NCAM2: variants seen among roughly 807,000 people sequenced by gnomAD.
The protein encoded by NCAM2 is N-CAM-2.
Under a neutral mutation model 98.1 loss-of-function variants are expected in NCAM2, and 30 were observed. The ratio of observed to expected loss-of-function variants is 0.31; its 90% CI spans 0.23 to 0.41. The LOEUF is 0.41. Among genes scored for constraint, NCAM2 ranks in the 10% least tolerant of loss-of-function variants. NCAM2 has a pLI of 1.00. For missense variants in NCAM2, 867 were observed against 1,005.8 expected (o/e 0.86, Z 1.87); for synonymous variants, 368 against 342.4 (o/e 1.07, Z -0.83).
In NCAM2 at chr21:21,338,375, T is replaced by G; in HGVS notation, c.899-14T>G. Reference sequence around the variant, plus strand: ...CCTCCAATACCGGTTGAGTAATATATATATTCTTTACAGTACAGCCTCACA... The same window carrying G: ...CCTCCAATACCGGTTGAGTAATATAGATATTCTTTACAGTACAGCCTCACA... On this transcript the variant is annotated splice_polypyrimidine_tract_variant and intron_variant, in intron 7 of 17. Transcript: ENST00000400546. 1.2e-6 allele frequency: 2 copies of G among 1,603,672 alleles called. No individual in the cohort carries two copies. The highest frequency in any genetic ancestry group is 1.7e-6 in the Non-Finnish European group (2 of 1,172,346).
At chr21:21,510,299 A>ACC (rs1476211592) in intron 16 of NCAM2, among the ~76,000 whole-genome samples, 7 of 152,128 alleles carry the variant, frequency 4.6e-5, no homozygotes, top group African/African-American at 1.2e-4. Flanking sequence ...TCAGAACCTT[A>ACC]CCACCACATT....
chr21:21,299,794 T>C (rs2073642282), intron 5 of NCAM2, among the ~76,000 whole-genome samples: 1 of 151,954 alleles, frequency 6.6e-6, no homozygotes, highest in Admixed American at 6.6e-5. Context: ...CTCAGCAGGC[T>C]TCACAAAGTA....
At chr21:21,267,080 C>T (rs2072311440) in intron 1 of NCAM2, among the ~76,000 whole-genome samples, 1 of 152,144 alleles carries the variant, frequency 6.6e-6, no homozygotes, top group African/African-American at 2.4e-5. Flanking sequence ...AATAACAACT[C>T]ACCAGGGGAA....
At chr21:21,426,551 G>A (rs762758827) in intron 11 of NCAM2, among the ~76,000 whole-genome samples, 25 of 152,132 alleles carry the variant, frequency 1.6e-4, no homozygotes, top group Non-Finnish European at 2.6e-4. Context: ...TAGCATAAGC[G>A]TGGTCCACAT....
At chr21:20,999,351 T>TCAA (rs558563179) in intron 1 of NCAM2, among the ~76,000 whole-genome samples, 2 of 141,630 alleles carry the variant, frequency 1.4e-5, no homozygotes, top group African/African-American at 6.0e-5. Flanking sequence ...CTTTTATCTC[T>TCAA]TAAAAAAAAA....
intron 1 of NCAM2, among the ~76,000 whole-genome samples, chr21:21,011,440 A>G (rs1237992374): frequency 6.6e-6 from 1 of 151,704 alleles, no homozygotes; most frequent in African/African-American, 2.4e-5. Context: ...TTTCTGGCCA[A>G]TTCTCCCCCC....
chr21:21,103,353 G>A (rs1278343689), intron 1 of NCAM2, among the ~76,000 whole-genome samples: 2 of 151,920 alleles, frequency 1.3e-5, no homozygotes, highest in Non-Finnish European at 2.9e-5. Context: ...CTTAACAAAA[G>A]GCTGATTATT....
chr21:21,255,725 T>C (rs1479152519), intron 1 of NCAM2, among the ~76,000 whole-genome samples: 1 of 152,194 alleles, frequency 6.6e-6, no homozygotes, highest in Non-Finnish European at 1.5e-5. Context: ...CCTAAGTTCC[T>C]CTAAATATTT....
At chr21:21,090,980 A>T (rs534867519) in intron 1 of NCAM2, among the ~76,000 whole-genome samples, 13 of 152,184 alleles carry the variant, frequency 8.5e-5, no homozygotes, top group Admixed American at 1.3e-4. Context: ...CTACCATTGG[A>T]TGTCTGTAAG....
chr21:21,110,274 A>G (rs77057989), intron 1 of NCAM2, among the ~76,000 whole-genome samples: 7,830 of 152,226 alleles, frequency 0.051, 248 homozygotes, highest in East Asian at 0.17. Context: ...GCTAGATTCT[A>G]TGTGTTTGGC....
chr21:21,046,067 A>G (rs556828539), intron 1 of NCAM2, among the ~76,000 whole-genome samples: 1 of 152,304 alleles, frequency 6.6e-6, no homozygotes, highest in Non-Finnish European at 1.5e-5. Context: ...GATCATAATG[A>G]TGCTTAAATC....
chr21:21,479,583 C>CAAAAAAAAAAAAAAAAAAAAAAAAAAAAA (rs1156588500), intron 15 of NCAM2, among the ~76,000 whole-genome samples: 7 of 30,964 alleles, frequency 2.3e-4, no homozygotes, highest in Non-Finnish European at 3.4e-4. Flanking sequence ...GACTGCGTCT[C>CAAAAAAAAAAAAAAAAAAAAAAAAAAAAA]AAAAAAAAAA....
chr21:21,410,541 A>G (rs1374850683), intron 10 of NCAM2, 80 bp downstream of exon 10: 13 of 698,222 alleles, frequency 1.9e-5, no homozygotes, highest in Non-Finnish European at 2.6e-5. Flanking sequence ...AAATATCTTC[A>G]TATGCATATA....
At chr21:21,257,162 T>A (rs1372813322) in intron 1 of NCAM2, among the ~76,000 whole-genome samples, 1 of 152,168 alleles carries the variant, frequency 6.6e-6, no homozygotes, top group Non-Finnish European at 1.5e-5. Context: ...AAGAAACCAG[T>A]TGTCTGAGAT....
intron 15 of NCAM2, among the ~76,000 whole-genome samples, chr21:21,494,604 T>A (rs1987083959): frequency 6.6e-6 from 1 of 151,690 alleles, no homozygotes; most frequent in Non-Finnish European, 1.5e-5. Context: ...AAGTTTAGAG[T>A]TAGTAAGATA....
At chr21:21,210,493 A>T in intron 1 of NCAM2, 1 of 1,258,674 alleles carries the variant, frequency 7.9e-7, no homozygotes, top group Non-Finnish European at 1.0e-6. Context: ...ACAAGTAATT[A>T]AAAACTCAAA....
At chr21:21,476,108 A>G (rs1053870576) in intron 14 of NCAM2, among the ~76,000 whole-genome samples, 1 of 152,126 alleles carries the variant, frequency 6.6e-6, no homozygotes, top group African/African-American at 2.4e-5. Flanking sequence ...TACTCAAAGA[A>G]GCAGTGTTAA....
chr21:21,502,681 T>C (rs1439148290), intron 15 of NCAM2, among the ~76,000 whole-genome samples: 1 of 152,006 alleles, frequency 6.6e-6, no homozygotes, highest in Non-Finnish European at 1.5e-5. Context: ...TGTGGAAAGA[T>C]ACCGTACGTA....
chr21:21,022,236 C>T (rs2064453036), intron 1 of NCAM2, among the ~76,000 whole-genome samples: 1 of 151,902 alleles, frequency 6.6e-6, no homozygotes, highest in Non-Finnish European at 1.5e-5. Context: ...AAAAATTAAA[C>T]TCATGTGTTT....
Sources: gnomAD v4.1 joint callset for allele counts (sites outside exome capture counted in the v4.1 genomes callset) on GRCh38, gnomAD v4.1.1 for gene constraint, MANE v1.5 for transcripts, NCBI Gene and HGNC (gene_info 2026-07-23, HGNC 2026-07-21) for gene names.